Variants in JMJD1C observed in about 807,000 individuals in gnomAD.
JMJD1C encodes the protein jumonji domain-containing protein 1C.
A neutral mutation model predicts 245.3 loss-of-function variants in JMJD1C; 31 were observed. The observed-to-expected ratio is 0.13, with a 90% CI of 0.09 to 0.17. The LOEUF (loss-of-function observed/expected upper bound fraction) is 0.17, where lower values mean the gene tolerates loss of function less well. JMJD1C is among the 10% of genes least tolerant of loss of function. JMJD1C has a pLI of 1.00. For synonymous variants in JMJD1C, 1,057 were observed against 1,017.4 expected, an observed-to-expected ratio of 1.04 and a Z score of -0.74; for missense variants, 2,691 against 3,000.2, an observed-to-expected ratio of 0.90 and a Z score of 2.41.
chr10:63,496,917 G>A (rs911247045), intron 1 of JMJD1C, among the ~76,000 whole-genome samples: 1 of 152,098 alleles, frequency 6.6e-6, no homozygotes, highest in Non-Finnish European at 1.5e-5. Context: ...CCCAAAGAAG[G>A]GTGTTTCCTT....
Position 63,383,448 on chromosome 10 carries a change from C to T in JMJD1C, c.169-2966G>A, listed in dbSNP as rs550319597. ...AAGGGTACCTCCTTGCCTGTAATCC[C>T]ACCACTTTGGGAGACACAGGTGGGA... On this transcript the variant is annotated intron_variant, in intron 1 of 25. Coordinates refer to ENST00000399262, the MANE Select transcript of JMJD1C (RefSeq NM_032776.3). 3.3e-5 allele frequency among the ~76,000 whole-genome samples: 5 copies of T among 151,756 alleles called. No individual in the cohort carries two copies. The Admixed American group carries it at 3.3e-4, about 10-fold the overall frequency.
rs10995469 is a variant in JMJD1C at position 63,243,482 on chromosome 10, C to T, written c.447+21169G>A. Among the ~76,000 whole-genome samples, 306 of 152,204 alleles carry T rather than the reference C, an allele frequency of 2.0e-3. 1 individual carries two copies. The highest frequency in any genetic ancestry group is 3.6e-3 in the Non-Finnish European group (243 of 68,002). On this transcript the variant is annotated intron_variant, in intron 3 of 25. Transcript: ENST00000399262. ...CGGAAGTTGCGCTGAGCCGAGATCACGCCATTGCACTCCAGCATGGGCAAG... is the reference window on the plus strand; with the variant it reads ...CGGAAGTTGCGCTGAGCCGAGATCATGCCATTGCACTCCAGCATGGGCAAG...
intron 2 of JMJD1C, among the ~76,000 whole-genome samples, chr10:63,266,762 G>A (rs959377991): frequency 7.2e-5 from 11 of 152,116 alleles, no homozygotes; most frequent in Non-Finnish European, 2.9e-5. Flanking sequence ...AATTAAGTAG[G>A]ATTTGAAAAA....
At chr10:63,225,143 T>C (rs1849108338) in intron 3 of JMJD1C, among the ~76,000 whole-genome samples, 1 of 152,154 alleles carries the variant, frequency 6.6e-6, no homozygotes, top group Non-Finnish European at 1.5e-5. Flanking sequence ...TAGTTACCTA[T>C]ATATAGTTCT....
Position 63,454,984 on chromosome 10 carries a change from T to C in JMJD1C, c.168+10511A>G, listed in dbSNP as rs1476332124. Among the ~76,000 whole-genome samples, 3 of 152,298 alleles carry C rather than the reference T, an allele frequency of 2.0e-5. No individual in the cohort carries two copies. The East Asian group carries it at 5.8e-4, about 29-fold the overall frequency. ...TCCTGTTGTATTGTATCGCAACACC[T>C]ATAACGTGGTTATTTTCCTTTAGGT... On this transcript the variant is annotated intron_variant, in intron 1 of 25. Coordinates refer to ENST00000399262, the MANE Select transcript of JMJD1C (RefSeq NM_032776.3).
At chr10:63,484,235 T>TA (rs1491496140) in intron 1 of JMJD1C, among the ~76,000 whole-genome samples, 47 of 35,810 alleles carry the variant, frequency 1.3e-3, no homozygotes, top group African/African-American at 2.8e-3. Flanking sequence ...GATGGATGGA[T>TA]GGATAGATAG....
chr10:63,461,411 T>C (rs777195080), intron 1 of JMJD1C, among the ~76,000 whole-genome samples: 1 of 152,066 alleles, frequency 6.6e-6, no homozygotes, highest in South Asian at 2.1e-4. Flanking sequence ...TAAAGAAACA[T>C]ACAAGGAAAT....
At chr10:63,318,307 A>G (rs1340661554) in intron 2 of JMJD1C, among the ~76,000 whole-genome samples, 1 of 152,170 alleles carries the variant, frequency 6.6e-6, no homozygotes, top group East Asian at 1.9e-4. Context: ...TGGGATTACA[A>G]GTGTCAGCCA....
intron 2 of JMJD1C, among the ~76,000 whole-genome samples, chr10:63,357,085 G>A (rs1407692443): frequency 9.2e-5 from 14 of 151,722 alleles, no homozygotes; most frequent in Admixed American, 9.2e-4. Flanking sequence ...CCAGGCTGGA[G>A]TGCAGTGGCG....
In JMJD1C at chr10:63,426,497, C is replaced by T. The variant is rs191500316; in HGVS notation, c.168+38998G>A. Among the ~76,000 whole-genome samples, 55 of 152,232 alleles carry T rather than the reference C, an allele frequency of 3.6e-4. 1 individual carries two copies. In the East Asian group the frequency reaches 9.3e-3, roughly 26 times the overall value. On this transcript the variant is annotated intron_variant, in intron 1 of 25. Transcript: ENST00000399262. ...ACTAGCCTGACCAACATGGTGAAAC[C>T]CCGTCTCTACTGAAAATACAAAAAT...
At chr10:63,285,937 C>G (rs1219783118) in intron 2 of JMJD1C, among the ~76,000 whole-genome samples, 2 of 152,228 alleles carry the variant, frequency 1.3e-5, no homozygotes, top group African/African-American at 4.8e-5. Context: ...AGCTAGGAAT[C>G]TATACTTTTT....
chr10:63,313,578 T>A (rs917363369), intron 2 of JMJD1C, among the ~76,000 whole-genome samples: 1 of 152,244 alleles, frequency 6.6e-6, no homozygotes, highest in Non-Finnish European at 1.5e-5. Context: ...GAATGTTCCC[T>A]TTCCATCACA....
chr10:63,202,236 G>A (rs12249292), intron 10 of JMJD1C: 54 of 906,470 alleles, frequency 6.0e-5, no homozygotes, highest in South Asian at 2.5e-4. Context: ...CCTGGGTGAC[G>A]GAGTAAGACT....
At chr10:63,344,101 C>T (rs934782594) in intron 2 of JMJD1C, among the ~76,000 whole-genome samples, 4 of 152,156 alleles carry the variant, frequency 2.6e-5, no homozygotes, top group Admixed American at 6.5e-5. Context: ...ATAAAGTCTA[C>T]GGTAGTGTAC....
intron 1 of JMJD1C, among the ~76,000 whole-genome samples, chr10:63,449,179 T>C (rs981247890): frequency 2.0e-5 from 3 of 152,136 alleles, no homozygotes; most frequent in African/African-American, 7.2e-5. Flanking sequence ...TTGCTTTGTA[T>C]AGTAAATAAT....
chr10:63,515,167 A>G (rs10761779), intron 1 of JMJD1C, among the ~76,000 whole-genome samples: 63,896 of 151,852 alleles, frequency 0.42, 14,174 homozygotes, highest in South Asian at 0.53. Flanking sequence ...CCTTCCCACA[A>G]CTGGAAGTCT....
intron 1 of JMJD1C, among the ~76,000 whole-genome samples, chr10:63,447,068 T>C (rs568982017): frequency 1.3e-4 from 6 of 46,192 alleles, no homozygotes; most frequent in African/African-American, 3.6e-4. Context: ...AAGCATTTTA[T>C]AACCAGGAAA....
At chr10:63,314,873 T>C (rs547757784) in intron 2 of JMJD1C, among the ~76,000 whole-genome samples, 1 of 152,086 alleles carries the variant, frequency 6.6e-6, no homozygotes, top group Non-Finnish European at 1.5e-5. Context: ...GTCTCAAATG[T>C]CTGACTTTCA....
rs1305268431 is a variant in JMJD1C at position 63,279,867 on chromosome 10, T to C, written c.334-15103A>G. On this transcript the variant is annotated intron_variant, in intron 2 of 25. Coordinates refer to ENST00000399262, the MANE Select transcript of JMJD1C (RefSeq NM_032776.3). ...GGAGTGGGGGGAATCAAAACTTGAATAGGCTGGACACGGTGGCTCACGCCT... is the reference window on the plus strand; with the variant it reads ...GGAGTGGGGGGAATCAAAACTTGAACAGGCTGGACACGGTGGCTCACGCCT... Among the ~76,000 whole-genome samples, 4 of 152,236 alleles carry C rather than the reference T, an allele frequency of 2.6e-5. No homozygotes were observed. In the East Asian group the frequency reaches 7.7e-4, roughly 29 times the overall value.
Sources: gnomAD v4.1 joint callset for allele counts (sites outside exome capture counted in the v4.1 genomes callset) on GRCh38, gnomAD v4.1.1 for gene constraint, MANE v1.5 for transcripts, NCBI Gene and HGNC (gene_info 2026-07-23, HGNC 2026-07-21) for gene names.